Variants in FOXM1 observed in about 807,000 individuals in gnomAD.
FOXM1 encodes forkhead box protein M1.
In FOXM1, 25 loss-of-function variants were observed where a neutral mutation model predicts 63.6. The ratio of observed to expected loss-of-function variants is 0.39; its 90% CI spans 0.29 to 0.55. The LOEUF (loss-of-function observed/expected upper bound fraction) is 0.55, where lower values mean the gene tolerates loss of function less well. Ranked by LOEUF, FOXM1 falls within the 20% of genes least tolerant of loss-of-function variation. The pLI is 0.60. For missense variants in FOXM1, 879 were observed against 958.7 expected (o/e 0.92, Z 1.10); for synonymous variants, 387 against 376.9 (o/e 1.03, Z -0.31).
rs1448032723 is a variant in FOXM1, at chr12:2,874,414, T to C, written c.65A>G (p.Asn22Ser). ...CTCCTCTGATGTTTCACTTGGGGCA[T>C]TTTGAACAGGAAGGGGCAGCCTCCG... The part of the protein sequence containing the change: ...KRRRLPLPVQ[N>S]APSETSEEEP... The change falls in exon 2 of 9, where the codon AAT (asparagine) becomes AGT (serine). Residue 22 changes from asparagine to serine, a missense_variant. Asn to Ser is a conservative substitution (Grantham distance 46). Around this residue, in one of 4 missense-constraint regions of FOXM1, gnomAD observed 255 missense variants for 292.4 expected, o/e 0.87. Transcript: ENST00000359843. The surrounding 1 kb of genome is among the most constrained non-coding windows in gnomAD (Gnocchi z 4.3). 6.2e-7 allele frequency: 1 copy of C among 1,614,058 alleles called. No individual in the cohort carries two copies.
At chr12:2,873,532 G>A (rs547968672) in intron 2 of FOXM1, among the ~76,000 whole-genome samples, 79 of 151,722 alleles carry the variant, frequency 5.2e-4, no homozygotes, top group African/African-American at 1.8e-3. Context: ...GGGCAACATA[G>A]TGAGACCCCT....
chr12:2,871,662 A>AT (rs1458370742), intron 3 of FOXM1, among the ~76,000 whole-genome samples: 1,699 of 147,492 alleles, frequency 0.012, 14 homozygotes, highest in African/African-American at 0.021. Flanking sequence ...AAAAAAAAAA[A>AT]ATATATATAC....
chr12:2,864,758 T>C lies in FOXM1; in HGVS notation c.1021-6A>G, dbSNP rs1272440915. The C allele has an allele frequency of 6.2e-7, 1 of 1,613,852 alleles. No homozygotes were observed. Among genetic ancestry groups the C allele is most frequent in the Non-Finnish European group, 8.5e-7 (1 of 1,179,906 alleles). On this transcript the variant is annotated splice_region_variant and splice_polypyrimidine_tract_variant and intron_variant, in intron 6 of 8. Coordinates refer to ENST00000359843, the MANE Select transcript of FOXM1 (RefSeq NM_021953.4). This position sits in a 1 kb window ranked among gnomAD's most constrained non-coding sequence, Gnocchi z 5.1. ...GGATTCGGTCGTTTCTGCTGCTGCT[T>C]GTGGCAGATGGGGAGAGAAAGAAAC...
In FOXM1 at chr12:2,874,959, C is replaced by G. The variant is rs531288233; in HGVS notation, c.-47-434G>C. On this transcript the variant is annotated intron_variant, in intron 1 of 8. Coordinates refer to ENST00000359843, the MANE Select transcript of FOXM1 (RefSeq NM_021953.4). The surrounding 1 kb of genome is among the most constrained non-coding windows in gnomAD (Gnocchi z 4.3). The stretch of plus-strand genomic sequence containing the variant: ...TAGGAGTCCTGATGAAACTCTGATC[C>G]CATAATCCATTCAAGACAAAGGATT... Among the ~76,000 whole-genome samples, 3 of 151,896 alleles carry G rather than the reference C, an allele frequency of 2.0e-5. No individual in the cohort carries two copies. Among genetic ancestry groups the G allele is most frequent in the Admixed American group, 2.0e-4 (3 of 15,242 alleles).
At chr12:2,869,657 G>A (rs1244292689) in intron 3 of FOXM1, among the ~76,000 whole-genome samples, 1 of 151,670 alleles carries the variant, frequency 6.6e-6, no homozygotes, top group African/African-American at 2.4e-5. Context: ...GGCTAGTCTC[G>A]AACTCCTGAC....
Position 2,868,543 on chromosome 12 carries a change from G to T in FOXM1, c.846+20C>A, listed in dbSNP as rs375453837. The stretch of plus-strand genomic sequence containing the variant: ...TCAGGCTGGGCTGACCTTGATTTTG[G>T]TTGCTGTGGGACACATTACCTTCCA... On this transcript the variant is annotated intron_variant, in intron 4 of 8. Coordinates refer to ENST00000359843, the MANE Select transcript of FOXM1 (RefSeq NM_021953.4). 3.2e-6 allele frequency: 5 copies of T among 1,585,206 alleles called. No individual in the cohort carries two copies. In the African/African-American group the frequency reaches 6.7e-5, roughly 21 times the overall value.
chr12:2,858,349 A>G lies in FOXM1; in HGVS notation c.*289T>C. 1 of 395,740 alleles carries G rather than the reference A, an allele frequency of 2.5e-6. No homozygotes were observed. The highest frequency in any genetic ancestry group is 4.6e-6 in the Non-Finnish European group (1 of 219,610). 24.5% of individuals were successfully genotyped at this position (395,740 alleles called of 1,614,324 possible). A position where few individuals can be genotyped will look rare whatever the true frequency, so the allele number is the denominator to read the frequency against. On this transcript the variant is annotated 3_prime_UTR_variant, in exon 9 of 9. Transcript: ENST00000359843. ...CAGGGAAGGTAAGAGACTGCTGGGC[A>G]GAGAATGGAAACAGGCTGGGGGGTT... is the stretch of plus-strand genomic sequence containing the variant.
intron 5 of FOXM1, among the ~76,000 whole-genome samples, 157 bp from the exon 6 acceptor site, chr12:2,865,556 C>T (rs1389616054): frequency 6.6e-6 from 1 of 151,930 alleles, no homozygotes; most frequent in Non-Finnish European, 1.5e-5. Context: ...CTACCAGCAG[C>T]CTTATGGGCA....
At chr12:2,863,411 G>C (rs762341549) in intron 8 of FOXM1, among the ~76,000 whole-genome samples, 6 of 151,954 alleles carry the variant, frequency 3.9e-5, no homozygotes, top group Non-Finnish European at 8.8e-5. Flanking sequence ...TCTTTTTTGA[G>C]ACAGGGCCTC....
intron 8 of FOXM1, 90 bp from the exon 9 acceptor site, chr12:2,859,753 G>A (rs540842776): frequency 1.8e-4 from 170 of 946,118 alleles, no homozygotes; most frequent in African/African-American, 1.4e-3. Flanking sequence ...TCTTTGTGTC[G>A]TTTTGAAGTC....
chr12:2,861,269 C>T, intron 8 of FOXM1: 1 of 714,448 alleles, frequency 1.4e-6, no homozygotes, highest in Non-Finnish European at 2.5e-6. Flanking sequence ...TCCAAGTCAC[C>T]AAACATAATG....
chr12:2,866,032 C>T (rs1565470600), intron 5 of FOXM1, among the ~76,000 whole-genome samples: 1 of 152,120 alleles, frequency 6.6e-6, no homozygotes, highest in Non-Finnish European at 1.5e-5. Context: ...ATACAAATTC[C>T]TGGGCCCATC....
intron 8 of FOXM1, chr12:2,861,395 C>T (rs1205884807): frequency 3.1e-6 from 2 of 651,058 alleles, no homozygotes; most frequent in East Asian, 2.8e-5. Context: ...AACCAAACAC[C>T]ACCTGTTCCC....
At chr12:2,873,219 A>G (rs60567571) in intron 2 of FOXM1, among the ~76,000 whole-genome samples, 7,837 of 151,808 alleles carry the variant, frequency 0.052, 669 homozygotes, top group African/African-American at 0.18. Context: ...CTAACATGGC[A>G]AACCCCTGTC....
chr12:2,871,957 G>C (rs192218892), intron 3 of FOXM1, 139 bp downstream of exon 3: 8 of 926,340 alleles, frequency 8.6e-6, no homozygotes, highest in Non-Finnish European at 1.4e-5. Context: ...TAGCTCAAAA[G>C]TTATGCAGAA....
chr12:2,866,049 G>A (rs1305710246), intron 5 of FOXM1, among the ~76,000 whole-genome samples: 1 of 152,186 alleles, frequency 6.6e-6, no homozygotes, highest in Non-Finnish European at 1.5e-5. Flanking sequence ...CATCCCAGAA[G>A]CACTAAATCA....
chr12:2,858,706 C>T lies in FOXM1; in HGVS notation c.2224G>A (p.Gly742Ser), dbSNP rs755508868. ...SKILLDISFP[G>S]LDEDPLGPDN... ...GGGCCCAGTGGGTCCTCGTCCAGGC[C>T]AGGAAAGCTGATGTCCAGCAGGATC... Residue 742 changes from glycine (G) to serine (S), a missense_variant, in exon 9 of 9, where the codon GGC becomes AGC. Around this residue, in one of 4 missense-constraint regions of FOXM1, gnomAD observed 486 missense variants for 453.5 expected, o/e 1.07. Transcript: ENST00000359843. 2.5e-6 allele frequency: 4 copies of T among 1,614,054 alleles called. No individual in the cohort carries two copies. Among genetic ancestry groups the T allele is most frequent in the Non-Finnish European group, 3.4e-6 (4 of 1,180,050 alleles).
At chr12:2,876,726 G>A (rs2098144881) in intron 1 of FOXM1, among the ~76,000 whole-genome samples, 194 bp downstream of exon 1, 1 of 152,222 alleles carries the variant, frequency 6.6e-6, no homozygotes, top group Non-Finnish European at 1.5e-5. Flanking sequence ...GGCGCTTTAA[G>A]CAGTGAGAAG....
rs2098146718 is a variant in FOXM1, at chr12:2,877,118, C to T, written c.-246G>A. 2 of 152,088 alleles carry T rather than the reference C, an allele frequency of 1.3e-5. No individual in the cohort carries two copies. The highest frequency in any genetic ancestry group is 2.4e-5 in the African/African-American group (1 of 41,406). The allele number at this position is 152,088 out of a possible 1,614,324, so 9.4% of individuals were successfully genotyped here. ...CCCGGGCCGGGGCCGGGGGTGGGGT[C>T]TGGCACCGGAGCTTTCAGTTTGTTC... On this transcript the variant is annotated 5_prime_UTR_variant, in exon 1 of 9. Transcript: ENST00000359843.
Sources: gnomAD v4.1 joint callset for allele counts (sites outside exome capture counted in the v4.1 genomes callset) on GRCh38, gnomAD v4.1.1 for gene constraint, gnomAD v4.1.1 regional missense constraint, Gnocchi (gnomAD v3.1) non-coding constraint, MANE v1.5 for transcripts, NCBI Gene and HGNC (gene_info 2026-07-23, HGNC 2026-07-21) for gene names.